Variants in WAC observed in about 807,000 individuals in gnomAD.
WAC encodes WW domain-containing adapter protein with coiled-coil.
WAC carries 11 observed loss-of-function variants against 79.6 expected under a neutral mutation model. That is an observed-to-expected ratio of 0.14 (90% CI 0.09 to 0.23). The LOEUF is 0.23. Ranked by LOEUF, WAC falls within the 10% of genes least tolerant of loss-of-function variation. WAC has a pLI of 1.00. For missense variants in WAC, 728 were observed against 773.5 expected, an observed-to-expected ratio of 0.94 and a Z score of 0.70; for synonymous variants, 304 against 276.9, an observed-to-expected ratio of 1.10 and a Z score of -0.97.
chr10:28,562,426 T>A (rs1009224581), intron 3 of WAC, among the ~76,000 whole-genome samples: 10 of 152,164 alleles, frequency 6.6e-5, no homozygotes, highest in Non-Finnish European at 1.5e-4. Context: ...TGAAAATTTG[T>A]TGCAAATATA....
rs1161344951 is a variant in WAC, at chr10:28,614,549, C to T, written c.1438-18C>T. 1 of 1,599,894 alleles carries T rather than the reference C, an allele frequency of 6.3e-7. No homozygotes were observed. The highest frequency in any genetic ancestry group is 8.6e-7 in the Non-Finnish European group (1 of 1,167,794). The stretch of plus-strand genomic sequence containing the variant: ...GGATTAGATTTGGAGACCATCTCAC[C>T]AGATTTTGACATTTCAGGTTAGTAC... On this transcript the variant is annotated intron_variant, in intron 10 of 13. Coordinates refer to ENST00000354911, the MANE Select transcript of WAC (RefSeq NM_016628.5).
intron 7 of WAC, among the ~76,000 whole-genome samples, chr10:28,600,129 C>G (rs192548975): frequency 1.3e-5 from 2 of 152,222 alleles, no homozygotes; most frequent in Non-Finnish European, 2.9e-5. Context: ...GATTTATTAG[C>G]AGAGATAAAT....
At position 28,611,936 on chromosome 10, in the gene WAC, G is replaced by A. The variant is rs1841259938; in HGVS notation, c.1437+14G>A. ...TCACAGCCAAAGGTATGTCACCTTT[G>A]AGGGACATTCGGAAAAGAAACTACT... On this transcript the variant is annotated intron_variant, in intron 10 of 13. Transcript: ENST00000354911. 3 of 1,603,342 alleles carry A rather than the reference G, an allele frequency of 1.9e-6. No individual in the cohort carries two copies. In the East Asian group the frequency reaches 6.7e-5, roughly 36 times the overall value.
chr10:28,600,887 A>G (rs1316180400), intron 7 of WAC, among the ~76,000 whole-genome samples: 1 of 152,156 alleles, frequency 6.6e-6, no homozygotes, highest in East Asian at 1.9e-4. Flanking sequence ...AGAACAGTGG[A>G]CAATCCAATG....
intron 10 of WAC, 35 bp downstream of exon 10, chr10:28,611,957 CTACT>C (rs1841261328): frequency 1.2e-5 from 19 of 1,600,112 alleles, no homozygotes; most frequent in Non-Finnish European, 1.4e-5. Flanking sequence ...GGAAAAGAAA[CTACT>C]TACTTTTGGA....
At chr10:28,574,445 G>A (rs1288786937) in intron 3 of WAC, among the ~76,000 whole-genome samples, 1 of 151,962 alleles carries the variant, frequency 6.6e-6, no homozygotes, top group Non-Finnish European at 1.5e-5. Flanking sequence ...AGTGTGCACG[G>A]CCTGTTGCTG....
intron 3 of WAC, among the ~76,000 whole-genome samples, chr10:28,553,508 G>T (rs1333086313): frequency 6.6e-6 from 1 of 152,042 alleles, no homozygotes; most frequent in African/African-American, 2.4e-5. Context: ...AGAAATTCTT[G>T]TGTATTTGTA....
chr10:28,551,567 A>C (rs997484337), intron 3 of WAC, among the ~76,000 whole-genome samples: 1 of 152,078 alleles, frequency 6.6e-6, no homozygotes, highest in African/African-American at 2.4e-5. Context: ...GTCCTATCTT[A>C]TTTTTTATCT....
chr10:28,611,783 C>A lies in WAC; in HGVS notation c.1298C>A (p.Ser433Tyr), dbSNP rs983897034. 6 of 1,612,240 alleles carry A rather than the reference C, an allele frequency of 3.7e-6. No individual in the cohort carries two copies. The highest frequency in any genetic ancestry group is 5.1e-6 in the Non-Finnish European group (6 of 1,179,624). Residue 433 changes from serine to tyrosine, a missense_variant, in exon 10 of 14, where the codon TCT becomes TAT. By Grantham distance (144) the Ser-to-Tyr change is moderately radical (BLOSUM62 -2). Coordinates refer to ENST00000354911, the MANE Select transcript of WAC (RefSeq NM_016628.5). ...AAQLSTQAQPSNQSPMSLTSD... is the reference protein window; with the variant it reads ...AAQLSTQAQPYNQSPMSLTSD... The stretch of plus-strand genomic sequence containing the variant: ...CTTCCCTCTTTTACAGCCCAGCCAT[C>A]TAATCAGTCTCCGATGTCTTTAACA...
intron 3 of WAC, among the ~76,000 whole-genome samples, chr10:28,555,314 C>T (rs924046787): frequency 7.2e-5 from 11 of 152,314 alleles, no homozygotes; most frequent in African/African-American, 2.6e-4. Flanking sequence ...CTGAGTTATG[C>T]TCTTCACTTA....
chr10:28,567,691 T>C (rs1026210423), intron 3 of WAC, among the ~76,000 whole-genome samples: 2 of 152,198 alleles, frequency 1.3e-5, no homozygotes, highest in South Asian at 4.1e-4. Context: ...TTTCAAAATA[T>C]GTAGCCTTGA....
At chr10:28,589,892 T>G in intron 5 of WAC, 41 bp downstream of exon 5, 1 of 1,421,362 alleles carries the variant, frequency 7.0e-7, no homozygotes, top group Admixed American at 1.7e-5. Context: ...TTTCTCTAGC[T>G]TGGTTCTACT....
At chr10:28,553,378 T>TA (rs1393623819) in intron 3 of WAC, among the ~76,000 whole-genome samples, 4 of 152,212 alleles carry the variant, frequency 2.6e-5, no homozygotes, top group African/African-American at 9.6e-5. Flanking sequence ...AGTCAGGAAA[T>TA]ACTCATTTTG....
chr10:28,563,319 A>G (rs1351376464), intron 3 of WAC, among the ~76,000 whole-genome samples: 1 of 152,174 alleles, frequency 6.6e-6, no homozygotes, highest in Non-Finnish European at 1.5e-5. Flanking sequence ...GGCCAACCTT[A>G]GTGATTATGT....
chr10:28,594,364 C>T (rs1435070119), intron 6 of WAC, among the ~76,000 whole-genome samples: 1 of 152,100 alleles, frequency 6.6e-6, no homozygotes, highest in Non-Finnish European at 1.5e-5. Context: ...CTTAGTTGTA[C>T]CTCATTGCAG....
chr10:28,590,519 A>G (rs1449284377), intron 5 of WAC, among the ~76,000 whole-genome samples: 2 of 152,170 alleles, frequency 1.3e-5, no homozygotes, highest in East Asian at 1.9e-4. Context: ...TGGTATAACA[A>G]TTGGTATAAT....
chr10:28,590,643 T>C, intron 5 of WAC, 77 bp from the exon 6 acceptor site: 1 of 1,199,550 alleles, frequency 8.3e-7, no homozygotes, highest in South Asian at 1.5e-5. Flanking sequence ...TGTTAGGCAT[T>C]TGGCCAGAGC....
intron 7 of WAC, among the ~76,000 whole-genome samples, chr10:28,597,698 T>C (rs1389164474): frequency 6.6e-6 from 1 of 152,176 alleles, no homozygotes; most frequent in East Asian, 1.9e-4. Context: ...ATTTGTTACG[T>C]ATCCTCATAT....
In WAC at chr10:28,621,762, C is replaced by A. The variant is rs865820270; in HGVS notation, c.*2156C>A. 1.3e-5 allele frequency: 2 copies of A among 152,130 alleles called. No homozygotes were observed. Among genetic ancestry groups the A allele is most frequent in the Non-Finnish European group, 2.9e-5 (2 of 68,038 alleles). 9.4% of individuals were successfully genotyped at this position (152,130 alleles called of 1,614,324 possible). ...TTTAGGTAAATTTGAATTTGATTTG[C>A]TTATAGTCTACTGGTCTGTGTACCT... is the stretch of plus-strand genomic sequence containing the variant. On this transcript the variant is annotated 3_prime_UTR_variant, in exon 14 of 14. Transcript: ENST00000354911.
Sources: gnomAD v4.1 joint callset for allele counts (sites outside exome capture counted in the v4.1 genomes callset) on GRCh38, gnomAD v4.1.1 for gene constraint, MANE v1.5 for transcripts, NCBI Gene and HGNC (gene_info 2026-07-23, HGNC 2026-07-21) for gene names.